The following MAPK6 variants were observed in gnomAD, a reference collection of about 807,000 sequenced individuals.
The protein encoded by MAPK6 is mitogen-activated protein kinase 6.
In MAPK6, 19 loss-of-function variants were observed where a neutral mutation model predicts 59.3. The ratio of observed to expected loss-of-function variants is 0.32; its 90% CI spans 0.22 to 0.47. The LOEUF (loss-of-function observed/expected upper bound fraction) is 0.47, where lower values mean the gene tolerates loss of function less well. Among genes scored for constraint, MAPK6 ranks in the 20% least tolerant of loss-of-function variants. MAPK6 has a pLI of 1.00. For missense variants in MAPK6, 724 were observed against 847.9 expected (o/e 0.85, Z 1.81); for synonymous variants, 316 against 290.3 (o/e 1.09, Z -0.90).
chr15:52,049,081 C>A (rs1003432646), intron 2 of MAPK6, among the ~76,000 whole-genome samples: 1 of 152,166 alleles, frequency 6.6e-6, no homozygotes, highest in African/African-American at 2.4e-5. Flanking sequence ...CCATCACAAT[C>A]TCTCAGGGTA....
intron 1 of MAPK6, among the ~76,000 whole-genome samples, chr15:52,024,047 A>G (rs2030654759): frequency 1.3e-5 from 2 of 152,222 alleles, no homozygotes; most frequent in Admixed American, 1.3e-4. Flanking sequence ...TATTTTTTTC[A>G]CAGAAAAAAA....
chr15:52,032,607 T>C (rs2031081213), intron 1 of MAPK6, among the ~76,000 whole-genome samples: 1 of 152,248 alleles, frequency 6.6e-6, no homozygotes, highest in Non-Finnish European at 1.5e-5. Flanking sequence ...TCTTTCATCC[T>C]AAAAGACTTC....
At chr15:52,006,463 T>G (rs924944438) in intron 3 of MAPK6, among the ~76,000 whole-genome samples, 1 of 152,208 alleles carries the variant, frequency 6.6e-6, no homozygotes, top group East Asian at 1.9e-4. Context: ...CGTTTTCAAC[T>G]AACATTTTTT....
At chr15:52,061,666 A>G (rs950863830) in intron 5 of MAPK6, among the ~76,000 whole-genome samples, 166 bp downstream of exon 5, 3 of 152,142 alleles carry the variant, frequency 2.0e-5, no homozygotes, top group Non-Finnish European at 2.9e-5. Context: ...CTGTAGTCCT[A>G]GCTACTTGGA....
chr15:51,992,095 T>A (rs1200995800), intron 2 of MAPK6, among the ~76,000 whole-genome samples: 1 of 151,924 alleles, frequency 6.6e-6, no homozygotes, highest in African/African-American at 2.4e-5. Context: ...TAGCTGGGGC[T>A]ATAAGCGCAC....
chr15:51,972,572 C>T (rs1219581567), intron 1 of MAPK6, among the ~76,000 whole-genome samples: 5 of 150,240 alleles, frequency 3.3e-5, no homozygotes, highest in Admixed American at 6.7e-5. Context: ...GCCTGTAATC[C>T]CAGCACTTTG....
upstream of MAPK6, among the ~76,000 whole-genome samples, chr15:52,015,534 G>A (rs1298003660): frequency 7.5e-5 from 11 of 146,874 alleles, no homozygotes; most frequent in Non-Finnish European, 9.1e-5. Flanking sequence ...CTGGAGTGCA[G>A]TGGCATGATC....
chr15:52,038,976 G>A (rs2031329370), intron 1 of MAPK6, among the ~76,000 whole-genome samples: 1 of 152,148 alleles, frequency 6.6e-6, no homozygotes, highest in Non-Finnish European at 1.5e-5. Context: ...AGTTTATCTG[G>A]TCTATGAATT....
intron 2 of MAPK6, among the ~76,000 whole-genome samples, chr15:51,992,538 T>C (rs566276128): frequency 2.0e-5 from 3 of 151,738 alleles, no homozygotes; most frequent in Non-Finnish European, 4.4e-5. Flanking sequence ...TCTTCTGACC[T>C]TGCGATCCAC....
chr15:51,978,471 C>T (rs1242624252), intron 1 of MAPK6, among the ~76,000 whole-genome samples: 2 of 151,860 alleles, frequency 1.3e-5, no homozygotes, highest in African/African-American at 4.8e-5. Context: ...TCTATTACCA[C>T]ACCCAGCAGG....
intron 3 of MAPK6, among the ~76,000 whole-genome samples, chr15:52,013,138 G>A (rs556563965): frequency 7.0e-6 from 1 of 143,270 alleles, no homozygotes; most frequent in South Asian, 2.2e-4. Context: ...TGCACTCTTT[G>A]AATCAACCTT....
rs149993048 is a variant in MAPK6 at position 52,063,124 on chromosome 15, A to G, written c.1068-778A>G. Reference sequence around the variant, plus strand: ...CACTCTGTTGCCAGGCTGGAGTGCAATGGTGCCCATCTCTCTGCTCACTGC... The same window carrying G: ...CACTCTGTTGCCAGGCTGGAGTGCAGTGGTGCCCATCTCTCTGCTCACTGC... On this transcript the variant is annotated intron_variant, in intron 5 of 5. Coordinates refer to ENST00000261845, the MANE Select transcript of MAPK6 (RefSeq NM_002748.4). 1.7e-3 allele frequency among the ~76,000 whole-genome samples: 253 copies of G among 152,178 alleles called. 1 individual carries two copies. The highest frequency in any genetic ancestry group is 5.4e-3 in the African/African-American group (226 of 41,524).
chr15:52,033,635 C>T (rs2031127857), intron 1 of MAPK6: 1 of 152,280 alleles, frequency 6.6e-6, no homozygotes, highest in East Asian at 1.9e-4. Flanking sequence ...TTATTTCTTC[C>T]CCAGCTTGCA....
chr15:52,060,068 A>G lies in MAPK6; in HGVS notation c.866-1231A>G, dbSNP rs539102389. ...ACTTACCTCTCATCCTTTCTGTAGT[A>G]TACCATATATTTCTCTAAGCATGGT... On this transcript the variant is annotated intron_variant, in intron 4 of 5. Transcript: ENST00000261845. Among the ~76,000 whole-genome samples the G allele has an allele frequency of 3.3e-5, 5 of 152,246 alleles. No individual in the cohort carries two copies. The South Asian group carries it at 1.0e-3, about 32-fold the overall frequency.
chr15:51,990,185 CAA>C (rs1193663963), intron 2 of MAPK6, among the ~76,000 whole-genome samples: 1 of 152,110 alleles, frequency 6.6e-6, no homozygotes, highest in African/African-American at 2.4e-5. Context: ...ACCTCTGAGT[CAA>C]AGTGTTTACT....
At chr15:52,024,074 G>GT (rs1403467041) in intron 1 of MAPK6, among the ~76,000 whole-genome samples, 1 of 152,098 alleles carries the variant, frequency 6.6e-6, no homozygotes, top group Non-Finnish European at 1.5e-5. Context: ...CATAAAACTT[G>GT]TTTTTTAGAA....
At chr15:52,059,149 T>C (rs2032098515) in intron 4 of MAPK6, among the ~76,000 whole-genome samples, 3 of 152,232 alleles carry the variant, frequency 2.0e-5, no homozygotes, top group Admixed American at 1.3e-4. Context: ...CAGCCGGTTT[T>C]GCAGGCTTTT....
chr15:51,973,818 A>AAT (rs1368044988), intron 1 of MAPK6, among the ~76,000 whole-genome samples: 11 of 151,138 alleles, frequency 7.3e-5, no homozygotes, highest in African/African-American at 2.7e-4. Context: ...ATATCCGGTT[A>AAT]ATTTTGTATT....
At chr15:52,063,758 C>T in intron 5 of MAPK6, 144 bp from the exon 6 acceptor site, 2 of 533,280 alleles carry the variant, frequency 3.8e-6, no homozygotes, top group Non-Finnish European at 6.0e-6. Flanking sequence ...AGACTAAGTT[C>T]TGGTAGGGCA....
Sources: gnomAD v4.1 joint callset for allele counts (sites outside exome capture counted in the v4.1 genomes callset) on GRCh38, gnomAD v4.1.1 for gene constraint, MANE v1.5 for transcripts, NCBI Gene and HGNC (gene_info 2026-07-23, HGNC 2026-07-21) for gene names.